FSHR: variants seen among roughly 807,000 people sequenced by gnomAD.
The protein encoded by FSHR is follicle-stimulating hormone receptor.
A neutral mutation model predicts 52.1 loss-of-function variants in FSHR; 46 were observed. The ratio of observed to expected loss-of-function variants is 0.88; its 90% CI spans 0.70 to 1.13. FSHR has a LOEUF of 1.13. FSHR is among the 50% of genes most tolerant of loss of function. FSHR has a pLI of 0.00. For synonymous variants in FSHR, 399 were observed against 309.6 expected (o/e 1.29, Z -3.03); for missense variants, 964 against 834.6 (o/e 1.16, Z -1.91).
chr2:49,149,896 A>G (rs1220500439), intron 1 of FSHR, among the ~76,000 whole-genome samples: 2 of 152,066 alleles, frequency 1.3e-5, no homozygotes, highest in African/African-American at 4.8e-5. Flanking sequence ...GGCAGCCTAT[A>G]ATATAATCCC....
At chr2:48,982,830 G>T in intron 8 of FSHR, 82 bp downstream of exon 8, 1 of 1,211,778 alleles carries the variant, frequency 8.3e-7, no homozygotes, top group Non-Finnish European at 1.2e-6. Context: ...TGTGTTGGAA[G>T]CTTCTCCCCT....
chr2:49,072,084 C>T (rs903208311), intron 1 of FSHR, among the ~76,000 whole-genome samples: 2 of 152,090 alleles, frequency 1.3e-5, no homozygotes, highest in Admixed American at 6.6e-5. Context: ...AACTAGGTTA[C>T]GAAGAAAATT....
chr2:49,090,471 G>A (rs1366127975), intron 1 of FSHR, among the ~76,000 whole-genome samples: 1 of 152,158 alleles, frequency 6.6e-6, no homozygotes, highest in African/African-American at 2.4e-5. Context: ...CTGCTGAGTA[G>A]TATTCCACTG....
chr2:49,012,301 A>G (rs968416279), intron 4 of FSHR, among the ~76,000 whole-genome samples: 11 of 152,204 alleles, frequency 7.2e-5, no homozygotes, highest in African/African-American at 2.2e-4. Flanking sequence ...AAGGCAGAGC[A>G]GTAAAGAAAG....
chr2:49,022,928 G>C (rs182393088), intron 2 of FSHR, among the ~76,000 whole-genome samples: 1 of 152,162 alleles, frequency 6.6e-6, no homozygotes, highest in Admixed American at 6.6e-5. Context: ...TTAGAATGCA[G>C]ATTCTCATTG....
At chr2:48,990,173 T>A (rs1675703292) in intron 5 of FSHR, among the ~76,000 whole-genome samples, 1 of 152,102 alleles carries the variant, frequency 6.6e-6, no homozygotes, top group Non-Finnish European at 1.5e-5. Flanking sequence ...AATATGAATG[T>A]GTTTGTTAGA....
At chr2:49,081,935 CT>C (rs1359863951) in intron 1 of FSHR, among the ~76,000 whole-genome samples, 1 of 152,130 alleles carries the variant, frequency 6.6e-6, no homozygotes, top group African/African-American at 2.4e-5. Context: ...AGAAAGCTGC[CT>C]TTTTATGATG....
intron 6 of FSHR, among the ~76,000 whole-genome samples, chr2:48,987,262 G>A (rs1006568803): frequency 6.6e-6 from 1 of 151,926 alleles, no homozygotes; most frequent in African/African-American, 2.4e-5. Flanking sequence ...GGAGTGCAGT[G>A]GTGCAATCTT....
intron 2 of FSHR, among the ~76,000 whole-genome samples, chr2:49,021,531 G>C (rs1392953438): frequency 1.3e-5 from 2 of 150,368 alleles, no homozygotes; most frequent in South Asian, 2.1e-4. Flanking sequence ...TCTTGATCAA[G>C]AGAAAGGCCT....
chr2:49,074,786 G>C (rs1388763879), intron 1 of FSHR, among the ~76,000 whole-genome samples: 1 of 146,988 alleles, frequency 6.8e-6, no homozygotes, highest in East Asian at 2.1e-4. Context: ...TTGTCCAACA[G>C]ATAAATGGAT....
chr2:49,064,582 C>T (rs1264904085), intron 2 of FSHR, among the ~76,000 whole-genome samples: 2 of 152,046 alleles, frequency 1.3e-5, no homozygotes, highest in Admixed American at 6.6e-5. Context: ...TGTAAATTAT[C>T]TAGTCTGCAG....
At chr2:49,011,826 C>T (rs542808626) in intron 4 of FSHR, among the ~76,000 whole-genome samples, 16 of 152,156 alleles carry the variant, frequency 1.1e-4, no homozygotes, top group African/African-American at 1.9e-4. Context: ...GTCCCCTTGC[C>T]GTGCTACCTC....
At chr2:49,149,626 C>A (rs1013551599) in intron 1 of FSHR, among the ~76,000 whole-genome samples, 6 of 151,946 alleles carry the variant, frequency 3.9e-5, no homozygotes, top group Admixed American at 2.0e-4. Flanking sequence ...CAAAGGCTAC[C>A]CTTTTTGTAC....
intron 8 of FSHR, among the ~76,000 whole-genome samples, chr2:48,976,563 G>T (rs1674999127): frequency 6.6e-6 from 1 of 152,298 alleles, no homozygotes; most frequent in South Asian, 2.1e-4. Flanking sequence ...AATGGTACCA[G>T]CTCCTTTTTG....
At chr2:49,083,909 T>C (rs1188418577) in intron 1 of FSHR, among the ~76,000 whole-genome samples, 13 of 150,934 alleles carry the variant, frequency 8.6e-5, no homozygotes, top group Non-Finnish European at 1.3e-4. Context: ...GACTTTAACA[T>C]CCCACTGTCA....
At chr2:49,034,365 A>C (rs1668207535) in intron 2 of FSHR, among the ~76,000 whole-genome samples, 2 of 152,156 alleles carry the variant, frequency 1.3e-5, no homozygotes, top group Admixed American at 1.3e-4. Context: ...TCAGCAAAGA[A>C]TGTGGTTAAC....
In FSHR at chr2:49,069,224, C is replaced by T. The variant is rs570985418; in HGVS notation, c.153-934G>A. 1.1e-3 allele frequency among the ~76,000 whole-genome samples: 169 copies of T among 152,214 alleles called. 5 individuals are homozygous for T. The South Asian group carries it at 0.033, about 30-fold the overall frequency. On this transcript the variant is annotated intron_variant, in intron 1 of 9. Coordinates refer to ENST00000406846, the MANE Select transcript of FSHR (RefSeq NM_000145.4). ...TTTTGACAACTACCCTTTGATCATC[C>T]TGGTCTTGCCGTGGTATCCTCTAAA...
At chr2:49,148,425 A>G (rs1504184) in intron 1 of FSHR, among the ~76,000 whole-genome samples, 46,078 of 151,912 alleles carry the variant, frequency 0.3, 7,255 homozygotes, top group East Asian at 0.48. Flanking sequence ...TCTTTATTCA[A>G]TACTGAGGAG....
intron 2 of FSHR, among the ~76,000 whole-genome samples, chr2:49,065,959 T>C (rs1426153474): frequency 2.0e-5 from 3 of 152,042 alleles, no homozygotes; most frequent in African/African-American, 7.2e-5. Flanking sequence ...AAAGACTACA[T>C]ATAAGGTAAG....
Sources: allele counts gnomAD v4.1 joint callset (sites outside exome capture counted in the v4.1 genomes callset), GRCh38; gene constraint gnomAD v4.1.1; transcripts MANE v1.5; gene names NCBI Gene and HGNC (gene_info 2026-07-23, HGNC 2026-07-21).